PNPLA7: variants seen among roughly 807,000 people sequenced by gnomAD.
PNPLA7 encodes the protein patatin like domain 7, lysophospholipase.
A neutral mutation model predicts 161.7 loss-of-function variants in PNPLA7; 153 were observed. That is an observed-to-expected ratio of 0.95 (90% CI 0.83 to 1.08). The LOEUF (loss-of-function observed/expected upper bound fraction) is 1.08. Among genes scored for constraint, PNPLA7 ranks in the 50% least tolerant of loss-of-function variants. The probability of loss-of-function intolerance (pLI) is 0.00; values close to 1 mark genes in which losing one functional copy is unlikely to be tolerated. For synonymous variants in PNPLA7, 809 were observed against 782.1 expected (o/e 1.03, Z -0.57); for missense variants, 1,739 against 1,856.6 (o/e 0.94, Z 1.16).
In PNPLA7 at chr9:137,547,233, G is replaced by A; in HGVS notation, c.193+76C>T. ...ACCATGCGCTTGAGGGCCCCTCCCA[G>A]GGGCTCAAAACACATCCCAAGACAC... On this transcript the variant is annotated intron_variant, in intron 3 of 34. Coordinates refer to ENST00000406427, the MANE Select transcript of PNPLA7 (RefSeq NM_001098537.3). The surrounding 1 kb of genome is among the most constrained non-coding windows in gnomAD (Gnocchi z 4.6). 7.0e-7 allele frequency: 1 copy of A among 1,429,688 alleles called. No individual in the cohort carries two copies. The highest frequency in any genetic ancestry group is 9.8e-7 in the Non-Finnish European group (1 of 1,016,098). 88.6% of individuals were successfully genotyped at this position (1,429,688 alleles called of 1,614,324 possible).
intron 12 of PNPLA7, among the ~76,000 whole-genome samples, chr9:137,510,416 C>A (rs1834160895): frequency 6.6e-6 from 1 of 152,152 alleles, no homozygotes; most frequent in African/African-American, 2.4e-5. Flanking sequence ...TACTAATAGT[C>A]CCTGATATGC....
At chr9:137,462,480 C>T (rs1343280263) in intron 30 of PNPLA7, 149 bp from the exon 31 acceptor site, 1 of 1,411,088 alleles carries the variant, frequency 7.1e-7, no homozygotes, top group African/African-American at 1.4e-5. Context: ...CGGGGGTCCT[C>T]CCTGCGGGCT....
chr9:137,506,155 G>GCC, intron 12 of PNPLA7, 72 bp from the exon 13 acceptor site: 3 of 1,280,460 alleles, frequency 2.3e-6, no homozygotes, highest in Non-Finnish European at 3.3e-6. Flanking sequence ...TGTGGGCTGA[G>GCC]CACACCCTGC....
chr9:137,533,678 G>C (rs1835716027), intron 8 of PNPLA7, among the ~76,000 whole-genome samples: 2 of 119,666 alleles, frequency 1.7e-5, no homozygotes, highest in African/African-American at 3.3e-5. Context: ...CCAGACTCCT[G>C]AGTGTCCACT....
In PNPLA7 at chr9:137,476,681, T is replaced by C. The variant is rs549737004; in HGVS notation, c.2882+1353A>G. On this transcript the variant is annotated intron_variant, in intron 25 of 34. Transcript: ENST00000406427. The surrounding 1 kb of genome is among the most constrained non-coding windows in gnomAD (Gnocchi z 4.5). ...TACAGAACCGTATGGCTTCTAAGTA[T>C]TACCTTGATCAAAGCTACTTTCTCA... 2.4e-4 allele frequency among the ~76,000 whole-genome samples: 37 copies of C among 152,272 alleles called. No homozygotes were observed. Among genetic ancestry groups the C allele is most frequent in the African/African-American group, 8.9e-4 (37 of 41,554 alleles).
intron 12 of PNPLA7, 108 bp downstream of exon 12, chr9:137,515,271 G>A: frequency 1.4e-6 from 2 of 1,420,220 alleles, no homozygotes; most frequent in Non-Finnish European, 1.9e-6. Flanking sequence ...CTCTAGTGGA[G>A]GGTGCCCGCC....
chr9:137,502,093 C>T (rs1299183230), intron 14 of PNPLA7, among the ~76,000 whole-genome samples: 1 of 152,238 alleles, frequency 6.6e-6, no homozygotes, highest in African/African-American at 2.4e-5. Context: ...GCCTTCTCCA[C>T]ACCACCTACA....
intron 4 of PNPLA7, 50 bp downstream of exon 4, chr9:137,546,780 G>T (rs141053662): frequency 0.022 from 34,159 of 1,570,238 alleles, 486 homozygotes; most frequent in South Asian, 0.036. Context: ...CTCCCACAGG[G>T]GCCTGCTCGA....
At chr9:137,463,298 A>C in intron 29 of PNPLA7, 117 bp downstream of exon 29, 1 of 943,850 alleles carries the variant, frequency 1.1e-6, no homozygotes. Flanking sequence ...GCATACTCTA[A>C]GGAAAACGTG....
At chr9:137,461,500 C>T (rs766675365) in intron 33 of PNPLA7, 36 bp downstream of exon 33, 5 of 1,582,658 alleles carry the variant, frequency 3.2e-6, no homozygotes, top group Non-Finnish European at 4.3e-6. Context: ...GGAGGTCACG[C>T]ACGTCTCCAC....
chr9:137,466,463 G>A (rs1335062891), intron 26 of PNPLA7, among the ~76,000 whole-genome samples: 2 of 149,460 alleles, frequency 1.3e-5, no homozygotes, highest in African/African-American at 5.0e-5. Context: ...CTCAGACCCA[G>A]GCACAGAACA....
rs1458901040 is a variant in PNPLA7, at chr9:137,524,139, C to A, written c.748-1282G>T. ...TTCCCACCACTGGGTCTTGGCAATG[C>A]TCCCCCGTCTTCTGTCCCAGTGGTT... On this transcript the variant is annotated intron_variant, in intron 8 of 34. Coordinates refer to ENST00000406427, the MANE Select transcript of PNPLA7 (RefSeq NM_001098537.3). This position sits in a 1 kb window ranked among gnomAD's most constrained non-coding sequence, Gnocchi z 4.4. Among the ~76,000 whole-genome samples the A allele has an allele frequency of 6.6e-6, 1 of 152,234 alleles. No individual in the cohort carries two copies. Among genetic ancestry groups the A allele is most frequent in the Non-Finnish European group, 1.5e-5 (1 of 68,048 alleles).
chr9:137,518,915 TC>T (rs1406929997), intron 11 of PNPLA7, among the ~76,000 whole-genome samples: 1 of 123,176 alleles, frequency 8.1e-6, no homozygotes, highest in African/African-American at 3.3e-5. Flanking sequence ...GCTCACTCCA[TC>T]CCCCACTCAC....
intron 12 of PNPLA7, chr9:137,509,802 C>G (rs777218532): frequency 3.6e-5 from 16 of 450,318 alleles, no homozygotes; most frequent in Non-Finnish European, 6.8e-5. Flanking sequence ...AGGCAAGAGA[C>G]AGAGGACACG....
intron 28 of PNPLA7, 92 bp downstream of exon 28, chr9:137,464,034 C>G: frequency 7.2e-7 from 1 of 1,381,346 alleles, no homozygotes; most frequent in Non-Finnish European, 9.9e-7. Flanking sequence ...TTCAGGAGAC[C>G]CCGCGGCCTT....
In PNPLA7 at chr9:137,490,539, C is replaced by T. The variant is rs1832714225; in HGVS notation, c.2197+2474G>A. On this transcript the variant is annotated intron_variant, in intron 20 of 34. Transcript: ENST00000406427. The surrounding 1 kb of genome is among the most constrained non-coding windows in gnomAD (Gnocchi z 4.1). The stretch of plus-strand genomic sequence containing the variant: ...AGTGCTGAAATACTTTGTATTTCTG[C>T]CAAACCAGAATTATACATCCAGCAA... Among the ~76,000 whole-genome samples, 1 of 152,124 alleles carries T rather than the reference C, an allele frequency of 6.6e-6. No homozygotes were observed. Among genetic ancestry groups the T allele is most frequent in the African/African-American group, 2.4e-5 (1 of 41,402 alleles).
intron 11 of PNPLA7, among the ~76,000 whole-genome samples, chr9:137,518,461 C>T (rs1834769592): frequency 1.4e-5 from 1 of 69,178 alleles, no homozygotes; most frequent in Non-Finnish European, 2.9e-5. Context: ...CACTCACTCA[C>T]TCCACTCTGC....
At position 137,463,524 on chromosome 9, in the gene PNPLA7, C is replaced by T. The variant is rs138643285; in HGVS notation, c.3234G>A (p.Leu1078=). The T allele has an allele frequency of 4.5e-4, 711 of 1,578,754 alleles. 1 individual carries two copies. The highest frequency in any genetic ancestry group is 5.4e-4 in the Non-Finnish European group (631 of 1,162,552). Residue 1078 remains leucine, a synonymous_variant, in exon 29 of 35, where the codon CTG becomes CTA. Coordinates refer to ENST00000406427, the MANE Select transcript of PNPLA7 (RefSeq NM_001098537.3). ...SAMRVHTDGS[L]WWYVRASMSL... ...ACATGCTGGCACGCACGTACCACCA[C>T]AGGGAGCCTGGGGAGGGGGCCCGGA...
At position 137,462,263 on chromosome 9, in the gene PNPLA7, C is replaced by A. The variant is rs139266565; in HGVS notation, c.3561G>T (p.Val1187=). Residue 1187 remains valine, a synonymous_variant, in exon 31 of 35, where the codon GTG becomes GTT. Transcript: ENST00000406427. ...YVCCVRQLEV[V]KSSDYCEYLR... ...GGTACTCGCAGTAGTCACTGCTCTT[C>A]ACCACCTCCAGCTGCCGCACGCAAC... The A allele has an allele frequency of 6.8e-6, 11 of 1,611,952 alleles. No individual in the cohort carries two copies. The highest frequency in any genetic ancestry group is 9.3e-6 in the Non-Finnish European group (11 of 1,179,326).
Sources: allele counts gnomAD v4.1 joint callset (sites outside exome capture counted in the v4.1 genomes callset), GRCh38; gene constraint gnomAD v4.1.1; non-coding constraint Gnocchi (gnomAD v3.1); transcripts MANE v1.5; gene names NCBI Gene and HGNC (gene_info 2026-07-23, HGNC 2026-07-21).